The following EZH2 variants were observed in gnomAD, a reference collection of about 807,000 sequenced individuals.
EZH2 encodes histone-lysine N-methyltransferase EZH2.
A neutral mutation model predicts 98.4 loss-of-function variants in EZH2; 18 were observed. The ratio of observed to expected loss-of-function variants is 0.18; its 90% CI spans 0.13 to 0.27. EZH2 has a LOEUF of 0.27. EZH2 is among the 10% of genes least tolerant of loss of function. The pLI is 1.00. For synonymous variants in EZH2, 338 were observed against 312.3 expected (o/e 1.08, Z -0.87); for missense variants, 470 against 935.1 (o/e 0.50, Z 6.49).
At chr7:148,864,640 G>A (rs1818167827) in intron 1 of EZH2, among the ~76,000 whole-genome samples, 1 of 145,342 alleles carries the variant, frequency 6.9e-6, no homozygotes, top group Non-Finnish European at 1.5e-5. Flanking sequence ...AGCCAAGATT[G>A]TGCCACTGCA....
In EZH2 at chr7:148,807,568, T is replaced by G; in HGVS notation, c.*78A>C. 1 of 1,168,820 alleles carries G rather than the reference T, an allele frequency of 8.6e-7. No individual in the cohort carries two copies. Among genetic ancestry groups the G allele is most frequent in the Non-Finnish European group, 1.3e-6 (1 of 799,160 alleles). The allele number at this position is 1,168,820 out of a possible 1,614,324, so 72.4% of individuals were successfully genotyped here. Reference sequence around the variant, plus strand: ...CAGAATTTCAAACTGCATGTTCTTTTTCTAAATTGCCCACAGTACTCGAGG... The same window carrying G: ...CAGAATTTCAAACTGCATGTTCTTTGTCTAAATTGCCCACAGTACTCGAGG... On this transcript the variant is annotated 3_prime_UTR_variant, in exon 20 of 20. Coordinates refer to ENST00000320356, the MANE Select transcript of EZH2 (RefSeq NM_004456.5).
intron 3 of EZH2, among the ~76,000 whole-genome samples, chr7:148,842,947 C>G (rs995541466): frequency 1.3e-5 from 2 of 151,712 alleles, no homozygotes; most frequent in African/African-American, 4.8e-5. Context: ...GTGGCTCACA[C>G]TTGTAATCCC....
chr7:148,810,743 C>T (rs1369330972), intron 16 of EZH2, among the ~76,000 whole-genome samples: 1 of 151,970 alleles, frequency 6.6e-6, no homozygotes, highest in Non-Finnish European at 1.5e-5. Flanking sequence ...CCGAGGCGGG[C>T]AGATCACCTG....
intron 1 of EZH2, among the ~76,000 whole-genome samples, chr7:148,881,964 ACGCGCGCG>A (rs60902143): frequency 3.4e-5 from 2 of 58,838 alleles, no homozygotes; most frequent in East Asian, 4.4e-4. Context: ...ACACACACAC[ACGCGCGCG>A]CACACACACA....
At chr7:148,848,859 G>A (rs529319729) in intron 1 of EZH2, among the ~76,000 whole-genome samples, 1 of 152,008 alleles carries the variant, frequency 6.6e-6, no homozygotes, top group Non-Finnish European at 1.5e-5. Context: ...ATCCACAGAT[G>A]CTCAAAAGTC....
chr7:148,852,184 C>T (rs567094108), intron 1 of EZH2, among the ~76,000 whole-genome samples: 1 of 152,288 alleles, frequency 6.6e-6, no homozygotes, highest in Non-Finnish European at 1.5e-5. Flanking sequence ...CCCATCAAAG[C>T]TTTAGCAGAA....
intron 10 of EZH2, 139 bp downstream of exon 10, chr7:148,817,738 C>G: frequency 1.7e-6 from 2 of 1,200,208 alleles, no homozygotes; most frequent in African/African-American, 1.5e-5. Context: ...AACAACACAG[C>G]TACACATTCT....
chr7:148,872,895 C>T (rs558486741), intron 1 of EZH2, among the ~76,000 whole-genome samples: 1 of 151,706 alleles, frequency 6.6e-6, no homozygotes, highest in Non-Finnish European at 1.5e-5. Flanking sequence ...GAATTTAGCC[C>T]ATATAAATGC....
At chr7:148,881,968 GCGCGCACACACACA>G (rs1223712350) in intron 1 of EZH2, among the ~76,000 whole-genome samples, 38 of 93,708 alleles carry the variant, frequency 4.1e-4, no homozygotes, top group African/African-American at 7.8e-4. Flanking sequence ...ACACACACGC[GCGCGCACACACACA>G]CACACACACA....
intron 1 of EZH2, among the ~76,000 whole-genome samples, chr7:148,867,544 T>C (rs1818721668): frequency 6.6e-6 from 1 of 152,208 alleles, no homozygotes; most frequent in African/African-American, 2.4e-5. Flanking sequence ...AAACCCATTA[T>C]ATAATTCCTA....
At chr7:148,823,066 TA>T (rs1181473630) in intron 8 of EZH2, among the ~76,000 whole-genome samples, 22 of 152,268 alleles carry the variant, frequency 1.4e-4, no homozygotes, top group African/African-American at 4.6e-4. Context: ...AAGCAGAGAT[TA>T]AAAAACAAAG....
intron 18 of EZH2, 76 bp downstream of exon 18, chr7:148,809,234 A>G: frequency 6.3e-7 from 1 of 1,587,116 alleles, no homozygotes; most frequent in Non-Finnish European, 8.7e-7. Flanking sequence ...ATAACAAACA[A>G]CTATCCCAGA....
At chr7:148,877,038 A>G (rs1322728103) in intron 1 of EZH2, among the ~76,000 whole-genome samples, 1 of 152,186 alleles carries the variant, frequency 6.6e-6, no homozygotes, top group Non-Finnish European at 1.5e-5. Flanking sequence ...CCAAGCATAT[A>G]GTGAGCCCTA....
chr7:148,860,740 C>T (rs953824552), intron 1 of EZH2, among the ~76,000 whole-genome samples: 6 of 152,174 alleles, frequency 3.9e-5, no homozygotes, highest in Non-Finnish European at 8.8e-5. Flanking sequence ...GGCGCAATCA[C>T]GGCTCACTAC....
intron 1 of EZH2, among the ~76,000 whole-genome samples, chr7:148,864,129 A>G (rs1818096882): frequency 6.6e-6 from 1 of 152,246 alleles, no homozygotes; most frequent in Non-Finnish European, 1.5e-5. Flanking sequence ...TGACCGTTGC[A>G]GCAAAAGTGA....
chr7:148,821,959 C>G (rs1312783683), intron 8 of EZH2, among the ~76,000 whole-genome samples: 1 of 151,982 alleles, frequency 6.6e-6, no homozygotes, highest in Non-Finnish European at 1.5e-5. Flanking sequence ...GTTGAGAAAC[C>G]CAAATACATA....
intron 1 of EZH2, among the ~76,000 whole-genome samples, chr7:148,851,201 G>C (rs924725511): frequency 6.6e-6 from 1 of 152,056 alleles, no homozygotes; most frequent in Non-Finnish European, 1.5e-5. Flanking sequence ...ATGAGGTAAA[G>C]TGCACCCTAT....
chr7:148,879,578 C>G (rs538535072), intron 1 of EZH2, among the ~76,000 whole-genome samples: 1 of 151,830 alleles, frequency 6.6e-6, no homozygotes, highest in African/African-American at 2.4e-5. Context: ...GTAATCCCAA[C>G]TACTTGAGAG....
At chr7:148,852,733 A>G (rs1321718641) in intron 1 of EZH2, among the ~76,000 whole-genome samples, 1 of 152,240 alleles carries the variant, frequency 6.6e-6, no homozygotes, top group African/African-American at 2.4e-5. Flanking sequence ...TCATGACCTA[A>G]GCCCTAAGTC....
Sources: allele counts gnomAD v4.1 joint callset (sites outside exome capture counted in the v4.1 genomes callset), GRCh38; gene constraint gnomAD v4.1.1; transcripts MANE v1.5; gene names NCBI Gene and HGNC (gene_info 2026-07-23, HGNC 2026-07-21).